Variants in MTSS1 observed in about 807,000 individuals in gnomAD.
MTSS1 encodes the protein protein MTSS 1.
Under a neutral mutation model 79.0 loss-of-function variants are expected in MTSS1, and 18 were observed. That is an observed-to-expected ratio of 0.23 (90% CI 0.16 to 0.34). The LOEUF (loss-of-function observed/expected upper bound fraction) is 0.34. MTSS1 is among the 10% of genes least tolerant of loss of function. The pLI, the probability that MTSS1 is intolerant of heterozygous loss-of-function variation, is 1.00. For missense variants in MTSS1, 815 were observed against 986.2 expected (o/e 0.83, Z 2.33); for synonymous variants, 341 against 368.6 (o/e 0.93, Z 0.86).
At chr8:124,605,262 G>A (rs947330597) in intron 3 of MTSS1, among the ~76,000 whole-genome samples, 3 of 152,234 alleles carry the variant, frequency 2.0e-5, no homozygotes, top group Non-Finnish European at 4.4e-5. Flanking sequence ...GATGACGCCA[G>A]CTCCTGCCAG....
rs1289386467 is a variant in MTSS1 at position 124,728,243 on chromosome 8, G to C, written c.-288C>G. The C allele has an allele frequency of 1.4e-5, 4 of 289,082 alleles. No homozygotes were observed. Among genetic ancestry groups the C allele is most frequent in the Non-Finnish European group, 2.5e-5 (4 of 157,092 alleles). 17.9% of individuals were successfully genotyped at this position (289,082 alleles called of 1,614,324 possible). ...GACTGACAATCAGGCCACCACTGGT[G>C]CCCACTACGGAAACGGCAAAGCCCA... On this transcript the variant is annotated 5_prime_UTR_variant, in exon 1 of 14. Transcript: ENST00000518547. This position sits in a 1 kb window ranked among gnomAD's most constrained non-coding sequence, Gnocchi z 6.1.
chr8:124,634,263 T>G (rs1328007956), intron 3 of MTSS1, among the ~76,000 whole-genome samples: 2 of 147,978 alleles, frequency 1.4e-5, no homozygotes, highest in African/African-American at 5.2e-5. Context: ...GCGCACACCA[T>G]CATACCTGGC....
chr8:124,675,855 T>C (rs1825194408), intron 3 of MTSS1, among the ~76,000 whole-genome samples: 1 of 152,274 alleles, frequency 6.6e-6, no homozygotes, highest in Non-Finnish European at 1.5e-5. Context: ...TATTCCATTA[T>C]GTACATACCG....
At chr8:124,645,858 A>G (rs1332698795) in intron 3 of MTSS1, among the ~76,000 whole-genome samples, 6 of 152,204 alleles carry the variant, frequency 3.9e-5, no homozygotes, top group Admixed American at 2.6e-4. Context: ...AAGTGGTGAC[A>G]GCAACAATCT....
intron 3 of MTSS1, among the ~76,000 whole-genome samples, chr8:124,662,461 A>T (rs538792540): frequency 6.6e-6 from 1 of 152,186 alleles, no homozygotes; most frequent in Non-Finnish European, 1.5e-5. Context: ...CTCTGCCACC[A>T]GGAAGCTTTT....
chr8:124,716,338 G>A (rs1222380825), intron 1 of MTSS1, among the ~76,000 whole-genome samples: 4 of 152,230 alleles, frequency 2.6e-5, no homozygotes, highest in Admixed American at 1.3e-4. Flanking sequence ...AAAGGAAGTC[G>A]AGATCATGCT....
intron 3 of MTSS1, among the ~76,000 whole-genome samples, chr8:124,633,553 T>C (rs6997000): frequency 0.048 from 7,256 of 152,072 alleles, 571 homozygotes; most frequent in African/African-American, 0.16. Flanking sequence ...GGTGGGTCAC[T>C]TGAGGTCAGG....
intron 3 of MTSS1, among the ~76,000 whole-genome samples, chr8:124,641,481 T>C (rs575998320): frequency 6.6e-6 from 1 of 152,342 alleles, no homozygotes; most frequent in South Asian, 2.1e-4. Context: ...GTGCAGTTGC[T>C]GCAGGAATTA....
At chr8:124,670,538 T>C (rs1247018032) in intron 3 of MTSS1, among the ~76,000 whole-genome samples, 1 of 152,112 alleles carries the variant, frequency 6.6e-6, no homozygotes, top group African/African-American at 2.4e-5. Flanking sequence ...TAAATACAAA[T>C]GTATGTATGA....
chr8:124,554,119 C>G (rs966145038), intron 13 of MTSS1, among the ~76,000 whole-genome samples: 3 of 152,204 alleles, frequency 2.0e-5, no homozygotes, highest in African/African-American at 7.2e-5. Context: ...ACTGGAGAGG[C>G]AAGGGCTAGA....
chr8:124,611,588 C>T (rs1263598732), intron 3 of MTSS1, among the ~76,000 whole-genome samples: 1 of 152,082 alleles, frequency 6.6e-6, no homozygotes, highest in Non-Finnish European at 1.5e-5. Flanking sequence ...TCACCACCCA[C>T]CTCAACACTT....
chr8:124,597,177 G>T lies in MTSS1; in HGVS notation c.209-5942C>A, dbSNP rs998447853. Among the ~76,000 whole-genome samples the T allele has an allele frequency of 1.3e-5, 2 of 152,150 alleles. No homozygotes were observed. The highest frequency in any genetic ancestry group is 4.8e-5 in the African/African-American group (2 of 41,434). On this transcript the variant is annotated intron_variant, in intron 3 of 13. Transcript: ENST00000518547. This position sits in a 1 kb window ranked among gnomAD's most constrained non-coding sequence, Gnocchi z 4.6. ...GTTGGATGGACACAGATAAAATGGT[G>T]CAGGGAACACTGTCCTGACAGCAAC...
rs1822497074 is a variant in MTSS1 at position 124,551,397 on chromosome 8, A to C, written c.*1595T>G. 6.5e-6 allele frequency: 1 copy of C among 152,674 alleles called. No homozygotes were observed. Among genetic ancestry groups the C allele is most frequent in the Non-Finnish European group, 1.5e-5 (1 of 68,050 alleles). The allele number at this position is 152,674 out of a possible 1,614,324, so 9.5% of individuals were successfully genotyped here. A position where few individuals can be genotyped will look rare whatever the true frequency, so the allele number is the denominator to read the frequency against. On this transcript the variant is annotated 3_prime_UTR_variant, in exon 14 of 14. Transcript: ENST00000518547. Reference sequence around the variant, plus strand: ...AAAGCCGTAACATAAAATGTCCTTGAGCAATCGCAGCAGTGTTCAATGTTA... The same window carrying C: ...AAAGCCGTAACATAAAATGTCCTTGCGCAATCGCAGCAGTGTTCAATGTTA...
intron 10 of MTSS1, among the ~76,000 whole-genome samples, chr8:124,560,186 G>A (rs898788473): frequency 3.4e-5 from 5 of 148,146 alleles, no homozygotes; most frequent in African/African-American, 1.0e-4. Flanking sequence ...ATTCCCAGTC[G>A]AGAAACTGAA....
At chr8:124,651,963 T>G (rs13248930) in intron 3 of MTSS1, among the ~76,000 whole-genome samples, 6,008 of 152,162 alleles carry the variant, frequency 0.039, 151 homozygotes, top group Middle Eastern at 0.078. Context: ...AATTTTCTTC[T>G]CCCTAAAGGA....
intron 1 of MTSS1, among the ~76,000 whole-genome samples, chr8:124,722,325 G>A (rs964968645): frequency 6.6e-6 from 1 of 152,110 alleles, no homozygotes; most frequent in Non-Finnish European, 1.5e-5. Context: ...TTGCTCAGTA[G>A]GTAAAAACAC....
intron 10 of MTSS1, among the ~76,000 whole-genome samples, chr8:124,562,324 C>A (rs1009468007): frequency 6.6e-6 from 1 of 152,192 alleles, no homozygotes; most frequent in Non-Finnish European, 1.5e-5. Flanking sequence ...ATTCTCAACA[C>A]AGATTGATAA....
At chr8:124,704,085 C>T (rs528398805) in intron 2 of MTSS1, 45 bp downstream of exon 2, 1 of 1,563,602 alleles carries the variant, frequency 6.4e-7, no homozygotes, top group African/African-American at 1.3e-5. Context: ...CCATCCTTGT[C>T]TGAGGATGTT....
intron 3 of MTSS1, among the ~76,000 whole-genome samples, chr8:124,665,880 A>G (rs1296418989): frequency 6.6e-6 from 1 of 151,952 alleles, no homozygotes; most frequent in Non-Finnish European, 1.5e-5. Context: ...AAAAAAAAAA[A>G]AAAAAATCTG....
Sources: allele counts gnomAD v4.1 joint callset (sites outside exome capture counted in the v4.1 genomes callset), GRCh38; gene constraint gnomAD v4.1.1; non-coding constraint Gnocchi (gnomAD v3.1); transcripts MANE v1.5; gene names NCBI Gene and HGNC (gene_info 2026-07-23, HGNC 2026-07-21).